EPG5: variants seen among roughly 807,000 people sequenced by gnomAD.
EPG5 encodes ectopic P-granules 5 autophagy tethering factor, also known as ectopic P granules protein 5 homolog.
A neutral mutation model predicts 302.7 loss-of-function variants in EPG5; 159 were observed. That is an observed-to-expected ratio of 0.53 (90% CI 0.46 to 0.60). EPG5 has a LOEUF of 0.60. Ranked by LOEUF, EPG5 falls within the 20% of genes least tolerant of loss-of-function variation. The pLI, the probability that EPG5 is intolerant of heterozygous loss-of-function variation, is 0.00. For missense variants in EPG5, 2,896 were observed against 3,092.4 expected (o/e 0.94, Z 1.51); for synonymous variants, 1,158 against 1,136.8 (o/e 1.02, Z -0.37).
At chr18:45,876,979 T>C (rs910900437) in intron 34 of EPG5, among the ~76,000 whole-genome samples, 1 of 152,116 alleles carries the variant, frequency 6.6e-6, no homozygotes, top group Non-Finnish European at 1.5e-5. Flanking sequence ...AGACAGGGTT[T>C]CACCATATTG....
At chr18:45,966,671 G>A (rs1235747246) in intron 1 of EPG5, among the ~76,000 whole-genome samples, 1 of 152,148 alleles carries the variant, frequency 6.6e-6, no homozygotes, top group East Asian at 1.9e-4. Context: ...GAAATAAACA[G>A]AGGCAGCACT....
Position 45,882,482 on chromosome 18 carries a change from A to G in EPG5, c.5310T>C (p.Asp1770=), listed in dbSNP as rs376326191. ...TAGTGGCGCTTAACCATTGTTTAAG[A>G]TCGAACTAAAAAGAAAAAGAAACAA... ...DMIFMLLTKF[D]LKQWLSATKP... The change falls in exon 31 of 44, where the codon GAT becomes GAC. Residue 1770 remains aspartate (D), a synonymous_variant. Coordinates refer to ENST00000282041, the MANE Select transcript of EPG5 (RefSeq NM_020964.3). 482 of 1,605,008 alleles carry G rather than the reference A, an allele frequency of 3.0e-4. No homozygotes were observed. The highest frequency in any genetic ancestry group is 3.9e-4 in the Non-Finnish European group (456 of 1,176,660).
At chr18:45,945,558 T>A (rs1301795469) in intron 7 of EPG5, among the ~76,000 whole-genome samples, 1 of 152,154 alleles carries the variant, frequency 6.6e-6, no homozygotes, top group Non-Finnish European at 1.5e-5. Context: ...ACTGGAAGTA[T>A]TTATAACGCC....
the EPG5 span, among the ~76,000 whole-genome samples, chr18:45,816,268 A>G: frequency 6.6e-6 from 1 of 152,250 alleles, no homozygotes; most frequent in Non-Finnish European, 1.5e-5. Flanking sequence ...AGTAAATGCA[A>G]TAAAAAGATA....
chr18:45,956,792 G>A (rs766721423), intron 1 of EPG5, among the ~76,000 whole-genome samples: 11 of 151,854 alleles, frequency 7.2e-5, no homozygotes, highest in Non-Finnish European at 1.3e-4. Context: ...ATAAGATGAC[G>A]ACACAAGAGG....
chr18:45,863,768 A>G (rs2048683842), intron 39 of EPG5, among the ~76,000 whole-genome samples: 1 of 152,206 alleles, frequency 6.6e-6, no homozygotes, highest in Non-Finnish European at 1.5e-5. Context: ...CTGTCAGTCT[A>G]AATGTTGCTC....
At chr18:45,859,894 A>G (rs1599429021) in intron 40 of EPG5, among the ~76,000 whole-genome samples, 1 of 152,222 alleles carries the variant, frequency 6.6e-6, no homozygotes, top group East Asian at 1.9e-4. Context: ...ATGTGATTGT[A>G]CCAACAGACA....
chr18:45,828,488 C>T, the EPG5 span, among the ~76,000 whole-genome samples: 2 of 152,146 alleles, frequency 1.3e-5, no homozygotes. Context: ...GCTCCAACCA[C>T]CCGAGTGACC....
chr18:45,806,955 G>A, the EPG5 span, among the ~76,000 whole-genome samples: 1 of 152,154 alleles, frequency 6.6e-6, no homozygotes, highest in Non-Finnish European at 1.5e-5. Context: ...CAGCTGGGAG[G>A]CAGGTATCGT....
intron 27 of EPG5, among the ~76,000 whole-genome samples, chr18:45,894,228 G>A (rs2049417415): frequency 6.6e-6 from 1 of 152,144 alleles, no homozygotes; most frequent in South Asian, 2.1e-4. Flanking sequence ...GGGAGGCCGA[G>A]ATGGGTGGAT....
At position 45,879,760 on chromosome 18, in the gene EPG5, C is replaced by A. The variant is rs946394016; in HGVS notation, c.5667+315G>T. Among the ~76,000 whole-genome samples, 8 of 152,184 alleles carry A rather than the reference C, an allele frequency of 5.3e-5. No individual in the cohort carries two copies. The South Asian group carries it at 1.5e-3, about 28-fold the overall frequency. On this transcript the variant is annotated intron_variant, in intron 32 of 43. Transcript: ENST00000282041. The stretch of plus-strand genomic sequence containing the variant: ...GCATATCAAACAGAAAGGATAAAAC[C>A]CAGAGCTCCATGGGACACTGCATCA...
chr18:45,943,813 C>G (rs2050725447), intron 8 of EPG5, among the ~76,000 whole-genome samples, 192 bp downstream of exon 8: 1 of 151,788 alleles, frequency 6.6e-6, no homozygotes. Context: ...CCCAGCTACT[C>G]GGGAGGCTGA....
intron 2 of EPG5, chr18:45,953,793 T>C (rs2050963486): frequency 5.1e-6 from 5 of 985,340 alleles, no homozygotes; most frequent in Non-Finnish European, 6.0e-6. Context: ...AATCAGTTAC[T>C]ACCTTCAGAT....
chr18:45,939,626 A>G lies in EPG5; in HGVS notation c.2073T>C (p.Ala691=), dbSNP rs748747353. ...QVEFDELFLR[A]VLHVLKAKRL... The stretch of plus-strand genomic sequence containing the variant: ...TTTTGGCCTTCAGCACATGTAGGAC[A>G]GCCCTCAAAAACAGTTCATCAAATT... The change falls in exon 10 of 44, where the codon GCT becomes GCC. Residue 691 remains alanine (A), a synonymous_variant. Coordinates refer to ENST00000282041, the MANE Select transcript of EPG5 (RefSeq NM_020964.3). 6.8e-6 allele frequency: 11 copies of G among 1,614,074 alleles called. No individual in the cohort carries two copies. In the African/African-American group the frequency reaches 1.3e-4, roughly 20 times the overall value.
At chr18:45,837,819 A>G in the EPG5 span, 7 of 1,533,414 alleles carry the variant, frequency 4.6e-6, no homozygotes, top group Admixed American at 1.9e-5. Context: ...GACCGCCGCT[A>G]CTTCTGCCGC....
At position 45,967,196 on chromosome 18, in the gene EPG5, G is replaced by C. The variant is rs767991398; in HGVS notation, c.44C>G (p.Ala15Gly). ...VKPQRRAKAK[A>G]SRTKTKEKKK... ...CCTCACCTTTGTTTTAGTCCGGCTG[G>C]CCTTGGCCTTGGCCCGGCGCTGGGG... The change falls in exon 1 of 44, where the codon GCC becomes GGC. Residue 15 changes from alanine (A) to glycine (G), a missense_variant. By Grantham distance (60) the Ala-to-Gly change is moderately conservative. Around this residue, in one of 5 missense-constraint regions of EPG5, gnomAD observed 1,390 missense variants for 1,430.0 expected, o/e 0.97. Transcript: ENST00000282041. 2 of 1,603,596 alleles carry C rather than the reference G, an allele frequency of 1.2e-6. No individual in the cohort carries two copies. Among genetic ancestry groups the C allele is most frequent in the East Asian group, 4.5e-5 (2 of 44,504 alleles).
chr18:45,960,052 G>A (rs2051115931), intron 1 of EPG5, among the ~76,000 whole-genome samples: 1 of 152,130 alleles, frequency 6.6e-6, no homozygotes, highest in South Asian at 2.1e-4. Context: ...TGGGAGGCAG[G>A]AGGATCCCTT....
intron 35 of EPG5, among the ~76,000 whole-genome samples, chr18:45,875,769 TA>T (rs1568111945): frequency 1.3e-5 from 2 of 152,090 alleles, no homozygotes; most frequent in South Asian, 2.1e-4. Flanking sequence ...GTTACACACC[TA>T]AAGGCCGGGC....
chr18:45,837,278 CA>C, the EPG5 span, among the ~76,000 whole-genome samples: 1 of 152,214 alleles, frequency 6.6e-6, no homozygotes, highest in Non-Finnish European at 1.5e-5. Flanking sequence ...CGCGGGAACG[CA>C]GGCACTCCCA....
Sources: allele counts gnomAD v4.1 joint callset (sites outside exome capture counted in the v4.1 genomes callset), GRCh38; gene constraint gnomAD v4.1.1; regional missense constraint gnomAD v4.1.1; transcripts MANE v1.5; gene names NCBI Gene and HGNC (gene_info 2026-07-23, HGNC 2026-07-21).